Variants in AHCTF1 observed in about 807,000 individuals in gnomAD.
AHCTF1 encodes the protein AT-hook containing transcription factor 1, also known as protein ELYS.
AHCTF1 carries 24 observed loss-of-function variants against 248.4 expected under a neutral mutation model. The ratio of observed to expected loss-of-function variants is 0.10; its 90% confidence interval spans 0.07 to 0.14. AHCTF1 has a LOEUF of 0.14. AHCTF1 is among the 10% of genes least tolerant of loss of function. The probability of loss-of-function intolerance (pLI) is 1.00; values close to 1 mark genes in which losing one functional copy is unlikely to be tolerated. For missense variants in AHCTF1, 2,206 were observed against 2,636.2 expected (o/e 0.84, Z 3.57); for synonymous variants, 786 against 929.8 (o/e 0.85, Z 2.81).
In AHCTF1 at chr1:246,869,360, A is replaced by G. The variant is rs149892420; in HGVS notation, c.3089-1549T>C. Among the ~76,000 whole-genome samples, 122 of 152,346 alleles carry G rather than the reference A, an allele frequency of 8.0e-4. 2 individuals carry two copies. In the East Asian group the frequency reaches 0.02, roughly 25 times the overall value. Reference sequence around the variant, plus strand: ...AGACCTCAAGTGTTCATGTGAAAGGAGGAGTCACATGTCTAGGACTTTAAA... The same window carrying G: ...AGACCTCAAGTGTTCATGTGAAAGGGGGAGTCACATGTCTAGGACTTTAAA... On this transcript the variant is annotated intron_variant, in intron 24 of 35. Transcript: ENST00000648844.
At position 246,851,105 on chromosome 1, in the gene AHCTF1, T is replaced by C. The variant is rs139377503; in HGVS notation, c.4901A>G (p.Asn1634Ser). 53 of 1,613,966 alleles carry C rather than the reference T, an allele frequency of 3.3e-5. No individual in the cohort carries two copies. In the African/African-American group the frequency reaches 6.9e-4, roughly 21 times the overall value. ...TGGCAAATTTGCAATTTGTCCATGA[T>C]TATCATTTTCCCCACTGCATACAAG... ...EKLVCSGEND[N>S]HGQIANLPSA... is the part of the protein sequence containing the mutation. The change falls in exon 33 of 36, where the codon AAT becomes AGT. Residue 1634 changes from asparagine to serine, a missense_variant. This residue lies in a region of AHCTF1 where 955 missense variants were observed against 1,055.6 expected (regional missense o/e 0.90). Coordinates refer to ENST00000648844, the MANE Select transcript of AHCTF1 (RefSeq NM_001323342.2).
chr1:246,855,833 G>A lies in AHCTF1; in HGVS notation c.4257-6C>T. The A allele has an allele frequency of 6.2e-7, 1 of 1,608,924 alleles. No homozygotes were observed. The highest frequency in any genetic ancestry group is 8.5e-7 in the Non-Finnish European group (1 of 1,176,416). The stretch of plus-strand genomic sequence containing the variant: ...ACTTCTGGGTGAAGATTTTCCTTTA[G>A]AAAAAGAAATACATACCTTAGTGTG... On this transcript the variant is annotated splice_region_variant and splice_polypyrimidine_tract_variant and intron_variant, in intron 30 of 35. Coordinates refer to ENST00000648844, the MANE Select transcript of AHCTF1 (RefSeq NM_001323342.2).
chr1:246,871,513 C>T (rs1395665560), intron 24 of AHCTF1, among the ~76,000 whole-genome samples: 1 of 152,148 alleles, frequency 6.6e-6, no homozygotes, highest in Non-Finnish European at 1.5e-5. Flanking sequence ...AGCCTTTCTT[C>T]GTAAATCAGA....
chr1:246,917,941 A>G (rs1268022273), intron 2 of AHCTF1, among the ~76,000 whole-genome samples: 3 of 152,148 alleles, frequency 2.0e-5, no homozygotes, highest in African/African-American at 7.2e-5. Context: ...TCACCAATAA[A>G]ACTTCCTAAT....
intron 21 of AHCTF1, among the ~76,000 whole-genome samples, chr1:246,884,358 A>AC (rs532043369): frequency 8.8e-4 from 134 of 152,242 alleles, no homozygotes; most frequent in Middle Eastern, 3.4e-3. Context: ...TGTAGATCTT[A>AC]CCCTCTTATC....
chr1:246,858,875 C>A (rs1385062111), intron 29 of AHCTF1, among the ~76,000 whole-genome samples: 5 of 151,964 alleles, frequency 3.3e-5, no homozygotes, highest in Admixed American at 3.3e-4. Context: ...GAAGATAATG[C>A]TATGAACATT....
Position 246,924,823 on chromosome 1 carries a change from C to T in AHCTF1, c.-7-6446G>A, listed in dbSNP as rs372534833. On this transcript the variant is annotated intron_variant, in intron 1 of 35. Coordinates refer to ENST00000648844, the MANE Select transcript of AHCTF1 (RefSeq NM_001323342.2). ...CCAAGTCATCAAAAGTAGAAGTTTGCTTTTTATTATCCAAAACAGATCCAA... is the reference window on the plus strand; with the variant it reads ...CCAAGTCATCAAAAGTAGAAGTTTGTTTTTTATTATCCAAAACAGATCCAA... Among the ~76,000 whole-genome samples, 18 of 151,792 alleles carry T rather than the reference C, an allele frequency of 1.2e-4. No homozygotes were observed. The East Asian group carries it at 3.3e-3, about 28-fold the overall frequency.
intron 5 of AHCTF1, among the ~76,000 whole-genome samples, chr1:246,906,501 G>C (rs1665403046): frequency 6.6e-6 from 1 of 152,126 alleles, no homozygotes; most frequent in South Asian, 2.1e-4. Flanking sequence ...AGAATCACTT[G>C]AACTTGGGAA....
chr1:246,888,097 G>A (rs1041338624), intron 19 of AHCTF1, 80 bp downstream of exon 19: 1 of 1,467,734 alleles, frequency 6.8e-7, no homozygotes, highest in Non-Finnish European at 9.4e-7. Flanking sequence ...CTTGCAATTA[G>A]ATATGTCAGG....
At chr1:246,847,305 A>AC (rs201338008) in intron 33 of AHCTF1, among the ~76,000 whole-genome samples, 1 of 116,964 alleles carries the variant, frequency 8.5e-6, no homozygotes, top group Non-Finnish European at 1.7e-5. Context: ...AAAAAAACAA[A>AC]CAAAAAAAAA....
At chr1:246,860,451 C>G (rs1428611488) in intron 29 of AHCTF1, among the ~76,000 whole-genome samples, 1 of 152,098 alleles carries the variant, frequency 6.6e-6, no homozygotes, top group African/African-American at 2.4e-5. Context: ...AAATCTCGTA[C>G]CTACTCATGA....
chr1:246,930,297 C>G (rs936610632), intron 1 of AHCTF1, among the ~76,000 whole-genome samples: 1 of 151,586 alleles, frequency 6.6e-6, no homozygotes, highest in Admixed American at 6.6e-5. Context: ...ACTAGAGGCG[C>G]CACCAATTCC....
At chr1:246,919,625 A>C (rs923895336) in intron 1 of AHCTF1, among the ~76,000 whole-genome samples, 13 of 151,682 alleles carry the variant, frequency 8.6e-5, no homozygotes, top group South Asian at 4.2e-4. Flanking sequence ...AAGCAGGAGA[A>C]TCACTTGAAC....
intron 4 of AHCTF1, among the ~76,000 whole-genome samples, chr1:246,911,751 T>A (rs1244568380): frequency 1.3e-5 from 2 of 152,234 alleles, no homozygotes; most frequent in East Asian, 3.8e-4. Flanking sequence ...CCCAAAGTGC[T>A]GGGATTCCAG....
chr1:246,851,545 C>G, intron 32 of AHCTF1, 103 bp from the exon 33 acceptor site: 1 of 1,018,714 alleles, frequency 9.8e-7, no homozygotes, highest in Non-Finnish European at 1.4e-6. Flanking sequence ...CCTTTTAAAA[C>G]ATAAATTATA....
intron 1 of AHCTF1, among the ~76,000 whole-genome samples, chr1:246,930,600 G>GA (rs1240703722): frequency 2.0e-5 from 3 of 151,294 alleles, no homozygotes; most frequent in Non-Finnish European, 4.4e-5. Flanking sequence ...AAAAAAAAAG[G>GA]GGGGGTCTCG....
chr1:246,890,262 A>C (rs1275517010), intron 16 of AHCTF1, among the ~76,000 whole-genome samples: 1 of 152,240 alleles, frequency 6.6e-6, no homozygotes, highest in East Asian at 1.9e-4. Context: ...TGAAAGTCTA[A>C]CTACATGGAT....
chr1:246,918,457 A>G, intron 1 of AHCTF1, 80 bp from the exon 2 acceptor site: 3 of 1,299,960 alleles, frequency 2.3e-6, no homozygotes, highest in Non-Finnish European at 3.1e-6. Flanking sequence ...CAGGAAAAAC[A>G]GTAAAAGCCA....
rs1472276 is a variant in AHCTF1, at chr1:246,867,173, G to C, written c.3347+71C>G. 7,995 of 756,426 alleles carry C rather than the reference G, an allele frequency of 0.011. 486 individuals are homozygous for C. The African/African-American group carries it at 0.13, about 12-fold the overall frequency. 46.9% of individuals were successfully genotyped at this position (756,426 alleles called of 1,614,324 possible). On this transcript the variant is annotated intron_variant, in intron 26 of 35. Coordinates refer to ENST00000648844, the MANE Select transcript of AHCTF1 (RefSeq NM_001323342.2). The stretch of plus-strand genomic sequence containing the variant: ...ATTTAAAAGTCTATAAAATGTTAAA[G>C]ATAATTAAAAATTACAATTGTAACT...
Sources: allele counts gnomAD v4.1 joint callset (sites outside exome capture counted in the v4.1 genomes callset), GRCh38; gene constraint gnomAD v4.1.1; regional missense constraint gnomAD v4.1.1; transcripts MANE v1.5; gene names NCBI Gene and HGNC (gene_info 2026-07-23, HGNC 2026-07-21).